NKAIN3: variants seen among roughly 807,000 people sequenced by gnomAD.
The protein encoded by NKAIN3 is sodium/potassium-transporting ATPase subunit beta-1-interacting protein 3.
Under a neutral mutation model 30.2 loss-of-function variants are expected in NKAIN3, and 25 were observed. The ratio of observed to expected loss-of-function variants is 0.83; its 90% CI spans 0.60 to 1.16. NKAIN3 has a LOEUF of 1.16. NKAIN3 is among the 50% of genes most tolerant of loss of function. The pLI is 0.00. For missense variants in NKAIN3, 225 were observed against 254.1 expected, an observed-to-expected ratio of 0.89 and a Z score of 0.78; for synonymous variants, 91 against 89.6, an observed-to-expected ratio of 1.02 and a Z score of -0.09.
chr8:62,870,705 A>ATATCTCTATATCTC (rs1820610966), intron 4 of NKAIN3, among the ~76,000 whole-genome samples: 2 of 125,242 alleles, frequency 1.6e-5, no homozygotes, highest in Non-Finnish European at 3.3e-5. Context: ...CTATATATCT[A>ATATCTCTATATCTC]TATATCTATA....
At chr8:62,745,284 T>C (rs952031680) in intron 3 of NKAIN3, among the ~76,000 whole-genome samples, 2 of 152,242 alleles carry the variant, frequency 1.3e-5, no homozygotes, top group Non-Finnish European at 2.9e-5. Flanking sequence ...TTGTGCTGCA[T>C]AGTCTGCGGG....
intron 3 of NKAIN3, among the ~76,000 whole-genome samples, chr8:62,663,768 G>C (rs140714302): frequency 2.6e-5 from 4 of 152,192 alleles, no homozygotes; most frequent in Non-Finnish European, 4.4e-5. Flanking sequence ...GAATGTTGTG[G>C]GACAGTAATA....
chr8:62,629,290 A>G (rs2130258223), intron 3 of NKAIN3, among the ~76,000 whole-genome samples: 2 of 152,230 alleles, frequency 1.3e-5, no homozygotes, highest in Middle Eastern at 3.4e-3. Flanking sequence ...TTCCTTATCT[A>G]ATATACACCA....
chr8:62,604,817 T>C (rs1414532410), intron 3 of NKAIN3, among the ~76,000 whole-genome samples: 3 of 152,174 alleles, frequency 2.0e-5, no homozygotes, highest in African/African-American at 7.2e-5. Flanking sequence ...AAAAATCATA[T>C]CATTTTCCAA....
At chr8:62,285,827 C>A (rs1384678) in intron 1 of NKAIN3, among the ~76,000 whole-genome samples, 107,907 of 152,090 alleles carry the variant, frequency 0.71, 38,540 homozygotes, top group African/African-American at 0.79. Flanking sequence ...AAGATTTTAC[C>A]TAATTTATCA....
chr8:62,593,609 T>C (rs1239703864), intron 3 of NKAIN3, among the ~76,000 whole-genome samples: 1 of 151,874 alleles, frequency 6.6e-6, no homozygotes, highest in Non-Finnish European at 1.5e-5. Context: ...TAACTACAGA[T>C]TCAACAGAAA....
intron 1 of NKAIN3, among the ~76,000 whole-genome samples, chr8:62,396,736 T>G (rs754478613): frequency 7.9e-5 from 12 of 152,226 alleles, no homozygotes; most frequent in Non-Finnish European, 1.5e-4. Flanking sequence ...TTCTTCATTA[T>G]TTTGCCCCTG....
chr8:62,896,578 G>A (rs939649663), intron 4 of NKAIN3, among the ~76,000 whole-genome samples: 1 of 152,090 alleles, frequency 6.6e-6, no homozygotes, highest in Non-Finnish European at 1.5e-5. Context: ...TCAGCCTAAT[G>A]CCCAAAAGAC....
At chr8:62,904,456 A>G (rs1297156197) in intron 4 of NKAIN3, among the ~76,000 whole-genome samples, 1 of 152,200 alleles carries the variant, frequency 6.6e-6, no homozygotes, top group Non-Finnish European at 1.5e-5. Flanking sequence ...ATGGTATTAT[A>G]TAATCATTGG....
intron 1 of NKAIN3, among the ~76,000 whole-genome samples, chr8:62,453,937 C>A (rs1257179315): frequency 1.3e-5 from 2 of 152,060 alleles, no homozygotes; most frequent in Non-Finnish European, 2.9e-5. Flanking sequence ...TAGCTGAATT[C>A]CACCTTCCTT....
At chr8:62,551,508 G>T (rs954258451) in intron 1 of NKAIN3, among the ~76,000 whole-genome samples, 9 of 152,174 alleles carry the variant, frequency 5.9e-5, no homozygotes, top group African/African-American at 1.9e-4. Flanking sequence ...AAAATGGAGA[G>T]AAATTGATAT....
At chr8:62,662,514 A>G (rs1812977499) in intron 3 of NKAIN3, among the ~76,000 whole-genome samples, 1 of 152,194 alleles carries the variant, frequency 6.6e-6, no homozygotes, top group Non-Finnish European at 1.5e-5. Flanking sequence ...TTTTTTTACT[A>G]GAATCATCGT....
chr8:62,928,896 C>A (rs1203134838), intron 5 of NKAIN3, among the ~76,000 whole-genome samples: 1 of 152,168 alleles, frequency 6.6e-6, no homozygotes, highest in African/African-American at 2.4e-5. Flanking sequence ...AAGGTTCCCT[C>A]GCAGACAGGG....
intron 4 of NKAIN3, among the ~76,000 whole-genome samples, chr8:62,870,889 G>GTCCAC (rs1820620973): frequency 6.6e-6 from 1 of 150,590 alleles, no homozygotes; most frequent in South Asian, 2.1e-4. Flanking sequence ...AAATGAAGCC[G>GTCCAC]TCTTACTGTT....
chr8:62,837,887 TG>T (rs973587525), intron 4 of NKAIN3, among the ~76,000 whole-genome samples: 11 of 152,016 alleles, frequency 7.2e-5, no homozygotes, highest in East Asian at 3.9e-4. Flanking sequence ...GCAATATGCT[TG>T]GGGGCTTGAT....
At chr8:62,708,999 A>C (rs763434868) in intron 3 of NKAIN3, among the ~76,000 whole-genome samples, 1 of 152,038 alleles carries the variant, frequency 6.6e-6, no homozygotes, top group African/African-American at 2.4e-5. Flanking sequence ...TTTATTTTTA[A>C]TTCTGTTTAC....
chr8:62,880,827 C>A (rs958792534), intron 4 of NKAIN3, among the ~76,000 whole-genome samples: 13 of 152,170 alleles, frequency 8.5e-5, no homozygotes, highest in African/African-American at 3.1e-4. Context: ...CATGGCCAAG[C>A]ATACACGTGC....
intron 1 of NKAIN3, among the ~76,000 whole-genome samples, chr8:62,487,722 A>G (rs1806946046): frequency 3.9e-5 from 6 of 152,202 alleles, no homozygotes; most frequent in Admixed American, 3.3e-4. Flanking sequence ...GTTGAAAGCT[A>G]CTAATAGTAG....
chr8:62,411,399 T>C (rs1804233108), intron 1 of NKAIN3, among the ~76,000 whole-genome samples: 1 of 152,180 alleles, frequency 6.6e-6, no homozygotes, highest in Non-Finnish European at 1.5e-5. Flanking sequence ...GGAACATGCC[T>C]CAAAATGGTA....
Sources: gnomAD v4.1 joint callset for allele counts (sites outside exome capture counted in the v4.1 genomes callset) on GRCh38, gnomAD v4.1.1 for gene constraint, MANE v1.5 for transcripts, NCBI Gene and HGNC (gene_info 2026-07-23, HGNC 2026-07-21) for gene names.